The following LARP4 variants were observed in gnomAD, a reference collection of about 807,000 sequenced individuals.
The protein encoded by LARP4 is La ribonucleoprotein 4.
In LARP4, 29 loss-of-function variants were observed where a neutral mutation model predicts 92.9. The observed-to-expected ratio is 0.31, with a 90% CI of 0.23 to 0.43. The LOEUF is 0.43. Ranked by LOEUF, LARP4 falls within the 20% of genes least tolerant of loss-of-function variation. The pLI is 1.00. For missense variants in LARP4, 732 were observed against 860.0 expected (o/e 0.85, Z 1.86); for synonymous variants, 279 against 284.1 (o/e 0.98, Z 0.18).
chr12:50,401,258 A>G, intron 1 of LARP4: 1 of 590,130 alleles, frequency 1.7e-6, no homozygotes, highest in Non-Finnish European at 3.0e-6. Context: ...AAGGAGAAAA[A>G]CGGAGGGCTG....
chr12:50,424,802 T>G (rs1044031882), intron 1 of LARP4, among the ~76,000 whole-genome samples: 1 of 152,168 alleles, frequency 6.6e-6, no homozygotes, highest in Non-Finnish European at 1.5e-5. Context: ...GTTTTTGGAT[T>G]CAGGAGTGAC....
At chr12:50,427,953 A>G in intron 2 of LARP4, 44 bp downstream of exon 2, 10 of 1,344,116 alleles carry the variant, frequency 7.4e-6, no homozygotes, top group Non-Finnish European at 9.2e-6. Context: ...GTTTGGTTAA[A>G]TGTATGGCCA....
intron 13 of LARP4, among the ~76,000 whole-genome samples, chr12:50,469,340 T>C (rs933542343): frequency 5.9e-5 from 9 of 152,058 alleles, no homozygotes; most frequent in Non-Finnish European, 8.8e-5. Flanking sequence ...TGCGGTGGCT[T>C]ACGCCTGTAA....
chr12:50,444,255 AT>A (rs59821030), intron 8 of LARP4, among the ~76,000 whole-genome samples: 107,693 of 151,576 alleles, frequency 0.71, 44,314 homozygotes, highest in Non-Finnish European at 0.93. Context: ...TGTCTTACTG[AT>A]TTTTTTTAAT....
At chr12:50,457,453 C>T (rs1216172271) in intron 10 of LARP4, among the ~76,000 whole-genome samples, 6 of 152,088 alleles carry the variant, frequency 3.9e-5, no homozygotes, top group Admixed American at 6.6e-5. Context: ...GTGATCTACC[C>T]GCCTTGGCCT....
intron 1 of LARP4, among the ~76,000 whole-genome samples, chr12:50,417,329 C>T (rs550650953): frequency 6.8e-6 from 1 of 146,304 alleles, no homozygotes; most frequent in East Asian, 2.3e-4. Flanking sequence ...GAGCCGAGAT[C>T]GTGTCACTGC....
At chr12:50,457,413 G>C (rs564182185) in intron 10 of LARP4, among the ~76,000 whole-genome samples, 1 of 152,038 alleles carries the variant, frequency 6.6e-6, no homozygotes, top group South Asian at 2.1e-4. Context: ...CACCATGTTG[G>C]CCAGGCTGGT....
At chr12:50,463,239 A>G (rs1002889950) in intron 12 of LARP4, among the ~76,000 whole-genome samples, 4 of 151,166 alleles carry the variant, frequency 2.6e-5, no homozygotes, top group African/African-American at 4.9e-5. Flanking sequence ...TACAGGCCCC[A>G]TGCAAGTGCA....
intron 10 of LARP4, among the ~76,000 whole-genome samples, chr12:50,460,100 G>A (rs1008609325): frequency 1.1e-4 from 16 of 149,896 alleles, no homozygotes; most frequent in Middle Eastern, 3.4e-3. Context: ...GCACCACTGC[G>A]CTCCAGCCCG....
chr12:50,426,784 G>T (rs549326364), intron 1 of LARP4, among the ~76,000 whole-genome samples: 2 of 145,584 alleles, frequency 1.4e-5, no homozygotes, highest in East Asian at 4.3e-4. Context: ...TGTCTCCCAG[G>T]CTGGAGTGCA....
In LARP4 at chr12:50,477,813, T is replaced by A. The variant is rs1402582157; in HGVS notation, c.*1949T>A. On this transcript the variant is annotated 3_prime_UTR_variant, in exon 16 of 16. Transcript: ENST00000398473. Reference sequence around the variant, plus strand: ...TACCTGTGCTGAAATTTGGGGGAAGTTTAGGTCCTTTAAAAAAACATATTA... The same window carrying A: ...TACCTGTGCTGAAATTTGGGGGAAGATTAGGTCCTTTAAAAAAACATATTA... The A allele has an allele frequency of 1.3e-5, 2 of 152,488 alleles. No homozygotes were observed. The highest frequency in any genetic ancestry group is 2.9e-5 in the Non-Finnish European group (2 of 67,924). 9.4% of individuals were successfully genotyped at this position (152,488 alleles called of 1,614,324 possible). A position where few individuals can be genotyped will look rare whatever the true frequency, so the allele number is the denominator to read the frequency against.
chr12:50,407,584 C>G (rs1945086602), intron 1 of LARP4, among the ~76,000 whole-genome samples: 1 of 152,106 alleles, frequency 6.6e-6, no homozygotes, highest in African/African-American at 2.4e-5. Context: ...GTGACTCATG[C>G]CTGTAATCCC....
intron 15 of LARP4, among the ~76,000 whole-genome samples, chr12:50,474,371 G>A (rs1264371546): frequency 6.6e-6 from 1 of 152,118 alleles, no homozygotes; most frequent in Non-Finnish European, 1.5e-5. Flanking sequence ...TTTGGAGACT[G>A]AGTCTTCACT....
chr12:50,400,902 G>T lies in LARP4; in HGVS notation c.-109G>T. ...AGGGGAGGAGCCGGGTCCACTGCCG[G>T]GTGGAGGGGCAAGGCGAGTGTGTGT... On this transcript the variant is annotated 5_prime_UTR_variant, in exon 1 of 16. Coordinates refer to ENST00000398473, the MANE Select transcript of LARP4 (RefSeq NM_052879.5). 1 of 1,492,114 alleles carries T rather than the reference G, an allele frequency of 6.7e-7. No individual in the cohort carries two copies. Among genetic ancestry groups the T allele is most frequent in the Non-Finnish European group, 9.4e-7 (1 of 1,069,080 alleles). The allele number at this position is 1,492,114 out of a possible 1,614,324, so 92.4% of individuals were successfully genotyped here.
rs1373882390 is a variant in LARP4 at position 50,474,230 on chromosome 12, T to TC, written c.1836+64dup. On this transcript the variant is annotated intron_variant, in intron 15 of 15. Transcript: ENST00000398473. ...AATAGATTAGATTTTTTTTTTTTTT[T>TC]CACGTAACACTTTGTTAGAACAGAG... 567 of 1,167,488 alleles carry TC rather than the reference T, an allele frequency of 4.9e-4. No homozygotes were observed. In the East Asian group the frequency reaches 0.013, roughly 26 times the overall value. 72.3% of individuals were successfully genotyped at this position (1,167,488 alleles called of 1,614,324 possible).
At chr12:50,441,394 G>A (rs1407442679) in intron 7 of LARP4, 196 bp from the exon 8 acceptor site, 1 of 415,498 alleles carries the variant, frequency 2.4e-6, no homozygotes, top group African/African-American at 2.1e-5. Context: ...ATCCATGGTG[G>A]CTTTTCTACA....
At position 50,437,858 on chromosome 12, in the gene LARP4, T is replaced by TA; in HGVS notation, c.639+22dup. The TA allele has an allele frequency of 7.2e-7, 1 of 1,384,536 alleles. No homozygotes were observed. The highest frequency in any genetic ancestry group is 1.0e-6 in the Non-Finnish European group (1 of 979,576). The allele number at this position is 1,384,536 out of a possible 1,614,324, so 85.8% of individuals were successfully genotyped here. A position where few individuals can be genotyped will look rare whatever the true frequency, so the allele number is the denominator to read the frequency against. On this transcript the variant is annotated intron_variant, in intron 6 of 15. Coordinates refer to ENST00000398473, the MANE Select transcript of LARP4 (RefSeq NM_052879.5). ...ATAGAGGTAAATTATTAATAATTGTTAACACTAAATGTTCTCTGTTTAAAT... is the reference window on the plus strand; with the variant it reads ...ATAGAGGTAAATTATTAATAATTGTTAAACACTAAATGTTCTCTGTTTAAAT...
At chr12:50,439,844 T>C (rs1950946879) in intron 6 of LARP4, among the ~76,000 whole-genome samples, 1 of 152,226 alleles carries the variant, frequency 6.6e-6, no homozygotes, top group African/African-American at 2.4e-5. Context: ...GTAGTCACCC[T>C]TTTTCTGAAT....
chr12:50,446,301 T>C (rs1315154054), intron 8 of LARP4, among the ~76,000 whole-genome samples: 2 of 125,808 alleles, frequency 1.6e-5, no homozygotes, highest in African/African-American at 6.2e-5. Flanking sequence ...CCACCGCGCC[T>C]GACCAATTGC....
Sources: gnomAD v4.1 joint callset for allele counts (sites outside exome capture counted in the v4.1 genomes callset) on GRCh38, gnomAD v4.1.1 for gene constraint, MANE v1.5 for transcripts, NCBI Gene and HGNC (gene_info 2026-07-23, HGNC 2026-07-21) for gene names.